The following ATXN1 variants were observed in gnomAD, a reference collection of about 807,000 sequenced individuals.
The protein encoded by ATXN1 is ataxin-1.
Under a neutral mutation model 56.4 loss-of-function variants are expected in ATXN1, and 8 were observed. That is an observed-to-expected ratio of 0.14 (90% CI 0.08 to 0.26). ATXN1 has a LOEUF of 0.26. Among genes scored for constraint, ATXN1 ranks in the 10% least tolerant of loss-of-function variants. ATXN1 has a pLI of 1.00. For synonymous variants in ATXN1, 514 were observed against 494.6 expected (o/e 1.04, Z -0.52); for missense variants, 987 against 1,106.5 (o/e 0.89, Z 1.53).
At chr6:16,493,203 C>T (rs963836199) in intron 5 of ATXN1, among the ~76,000 whole-genome samples, 6 of 152,172 alleles carry the variant, frequency 3.9e-5, no homozygotes, top group South Asian at 4.1e-4. Context: ...TGAACATCTT[C>T]GAAATTCTTT....
chr6:16,606,263 A>G (rs1763003054), intron 3 of ATXN1, among the ~76,000 whole-genome samples: 1 of 152,236 alleles, frequency 6.6e-6, no homozygotes, highest in South Asian at 2.1e-4. Flanking sequence ...TCAGTATTCA[A>G]TAAATATTTC....
Position 16,562,165 on chromosome 6 carries a change from G to A in ATXN1, c.-361+23615C>T, listed in dbSNP as rs551149979. ...GAGGCAGGCGGATTGCTTGAGCTCA[G>A]AGTTGGAGACCAGCCTGGGCAACAC... On this transcript the variant is annotated intron_variant, in intron 4 of 7. Coordinates refer to ENST00000436367, the MANE Select transcript of ATXN1 (RefSeq NM_001128164.2). 1.3e-4 allele frequency among the ~76,000 whole-genome samples: 20 copies of A among 152,110 alleles called. No individual in the cohort carries two copies. The South Asian group carries it at 3.9e-3, about 30-fold the overall frequency.
chr6:16,448,064 T>C (rs1581769600), intron 6 of ATXN1, among the ~76,000 whole-genome samples: 1 of 152,342 alleles, frequency 6.6e-6, no homozygotes, highest in African/African-American at 2.4e-5. Context: ...CAATGCTTCC[T>C]ATTACATTTA....
chr6:16,751,819 A>G (rs1760728065), intron 2 of ATXN1, among the ~76,000 whole-genome samples: 1 of 152,242 alleles, frequency 6.6e-6, no homozygotes, highest in African/African-American at 2.4e-5. Context: ...TTGAGGGATA[A>G]GTTACTTGAT....
intron 3 of ATXN1, among the ~76,000 whole-genome samples, chr6:16,600,851 G>A (rs913618377): frequency 6.6e-6 from 1 of 152,208 alleles, no homozygotes; most frequent in African/African-American, 2.4e-5. Flanking sequence ...CCTCGCTGGG[G>A]TAAGGTATAT....
chr6:16,440,851 G>T (rs1389317953), intron 6 of ATXN1, among the ~76,000 whole-genome samples: 4 of 152,040 alleles, frequency 2.6e-5, no homozygotes, highest in Non-Finnish European at 5.9e-5. Flanking sequence ...ACAAAATGAG[G>T]TTACTGTGTA....
intron 3 of ATXN1, among the ~76,000 whole-genome samples, chr6:16,656,652 T>C (rs1469451713): frequency 6.6e-5 from 10 of 152,204 alleles, no homozygotes; most frequent in African/African-American, 9.6e-5. Flanking sequence ...AGTAAATGTT[T>C]GCTGAACAGG....
At chr6:16,339,323 G>T (rs1761192713) in intron 6 of ATXN1, among the ~76,000 whole-genome samples, 1 of 152,170 alleles carries the variant, frequency 6.6e-6, no homozygotes, top group Non-Finnish European at 1.5e-5. Context: ...GGGAACTGAG[G>T]TACTCTGGGA....
At chr6:16,632,744 G>A (rs1032259550) in intron 3 of ATXN1, among the ~76,000 whole-genome samples, 4 of 152,002 alleles carry the variant, frequency 2.6e-5, no homozygotes, top group African/African-American at 9.7e-5. Context: ...TGTGAAATTG[G>A]GCCAGGCTCA....
intron 2 of ATXN1, chr6:16,739,683 A>C (rs1234992661): frequency 5.0e-6 from 2 of 403,998 alleles, no homozygotes; most frequent in African/African-American, 4.1e-5. Context: ...AAGCGGTCGG[A>C]AACAGACGTC....
At chr6:16,654,476 G>A (rs1300704181) in intron 3 of ATXN1, among the ~76,000 whole-genome samples, 2 of 150,500 alleles carry the variant, frequency 1.3e-5, no homozygotes, top group African/African-American at 2.4e-5. Flanking sequence ...CCTGGGAGGC[G>A]AAGGTTGCAG....
At chr6:16,465,848 G>A (rs183172859) in intron 6 of ATXN1, among the ~76,000 whole-genome samples, 5 of 152,206 alleles carry the variant, frequency 3.3e-5, no homozygotes, top group African/African-American at 9.6e-5. Flanking sequence ...GCTAAGTCCG[G>A]GCCACATAAA....
chr6:16,397,272 T>C (rs1561880409), intron 6 of ATXN1, among the ~76,000 whole-genome samples: 2 of 152,130 alleles, frequency 1.3e-5, no homozygotes, highest in African/African-American at 2.4e-5. Context: ...TTTTGTTTTT[T>C]TGTTTTTTGT....
intron 2 of ATXN1, among the ~76,000 whole-genome samples, chr6:16,742,299 A>T (rs1395774122): frequency 6.6e-6 from 1 of 152,166 alleles, no homozygotes; most frequent in Non-Finnish European, 1.5e-5. Context: ...CTCCCAATAA[A>T]AGCCACAACT....
chr6:16,653,679 CAA>C lies in ATXN1; in HGVS notation c.-489+4095_-489+4096del, dbSNP rs59137061. ...TTAGTGATTACAAAAGATAAAGAGA[CAA>C]AAAAAGATTTCCAAAAGAGCCTCTG... On this transcript the variant is annotated intron_variant, in intron 3 of 7. Coordinates refer to ENST00000436367, the MANE Select transcript of ATXN1 (RefSeq NM_001128164.2). Among the ~76,000 whole-genome samples the C allele has an allele frequency of 6.0e-4, 91 of 152,096 alleles. 1 individual carries two copies. Among genetic ancestry groups the C allele is most frequent in the African/African-American group, 2.1e-3 (89 of 41,502 alleles).
chr6:16,399,230 C>G (rs748876878), intron 6 of ATXN1, among the ~76,000 whole-genome samples: 38 of 152,200 alleles, frequency 2.5e-4, no homozygotes, highest in African/African-American at 7.2e-4. Flanking sequence ...TTAGAGGTCA[C>G]TAGTGAATTA....
chr6:16,435,051 C>G (rs577424755), intron 6 of ATXN1, among the ~76,000 whole-genome samples: 44 of 152,062 alleles, frequency 2.9e-4, no homozygotes, highest in Non-Finnish European at 5.6e-4. Flanking sequence ...ACATTAGATG[C>G]AGAGGAAGAG....
chr6:16,346,667 CG>C (rs1338501043), intron 6 of ATXN1, among the ~76,000 whole-genome samples: 1 of 152,104 alleles, frequency 6.6e-6, no homozygotes, highest in South Asian at 2.1e-4. Flanking sequence ...TTTTTGTCGC[CG>C]GGTCTCACTC....
chr6:16,526,896 C>T (rs749288798), intron 4 of ATXN1, among the ~76,000 whole-genome samples: 3 of 151,282 alleles, frequency 2.0e-5, no homozygotes, highest in Non-Finnish European at 4.4e-5. Flanking sequence ...TGAAGTCAAG[C>T]AAATGTCCTT....
Sources: gnomAD v4.1 joint callset for allele counts (sites outside exome capture counted in the v4.1 genomes callset) on GRCh38, gnomAD v4.1.1 for gene constraint, MANE v1.5 for transcripts, NCBI Gene and HGNC (gene_info 2026-07-23, HGNC 2026-07-21) for gene names.